ABCD3: variants seen among roughly 807,000 people sequenced by gnomAD.
ABCD3 encodes the protein ATP-binding cassette sub-family D member 3.
Under a neutral mutation model 105.5 loss-of-function variants are expected in ABCD3, and 41 were observed. That is an observed-to-expected ratio of 0.39 (90% CI 0.30 to 0.50). The LOEUF (loss-of-function observed/expected upper bound fraction) is 0.50, where lower values mean the gene tolerates loss of function less well. ABCD3 is among the 20% of genes least tolerant of loss of function. ABCD3 has a pLI of 0.84. For missense variants in ABCD3, 622 were observed against 806.3 expected, an observed-to-expected ratio of 0.77 and a Z score of 2.77; for synonymous variants, 258 against 269.0, an observed-to-expected ratio of 0.96 and a Z score of 0.40.
Position 94,515,210 on chromosome 1 carries a change from T to C in ABCD3, c.1902+8T>C. The C allele has an allele frequency of 1.2e-6, 2 of 1,601,234 alleles. No homozygotes were observed. Among genetic ancestry groups the C allele is most frequent in the Non-Finnish European group, 1.7e-6 (2 of 1,169,378 alleles). ...CTTTGGAAACATCATGAGGTTTGTATTTCTTTCATTGAATGGTACAGTGAA... is the reference window on the plus strand; with the variant it reads ...CTTTGGAAACATCATGAGGTTTGTACTTCTTTCATTGAATGGTACAGTGAA... On this transcript the variant is annotated splice_region_variant and intron_variant, in intron 22 of 22. Coordinates refer to ENST00000370214, the MANE Select transcript of ABCD3 (RefSeq NM_002858.4).
the ABCD3 span, among the ~76,000 whole-genome samples, chr1:94,387,041 G>A: frequency 6.6e-6 from 1 of 152,122 alleles, no homozygotes; most frequent in Admixed American, 6.5e-5. Flanking sequence ...CAGTAGATGT[G>A]CTCACAGAGA....
At chr1:94,461,843 T>G (rs1330337360) in intron 2 of ABCD3, among the ~76,000 whole-genome samples, 1 of 152,146 alleles carries the variant, frequency 6.6e-6, no homozygotes, top group African/African-American at 2.4e-5. Flanking sequence ...TACTGGGTTA[T>G]TTTACATTTT....
At chr1:94,516,597 T>G (rs1650932923) in intron 22 of ABCD3, among the ~76,000 whole-genome samples, 2 of 151,884 alleles carry the variant, frequency 1.3e-5, no homozygotes, top group African/African-American at 2.4e-5. Flanking sequence ...ACAACTAGAA[T>G]GTGAGGGGCC....
intron 16 of ABCD3, among the ~76,000 whole-genome samples, chr1:94,498,394 A>T (rs1649928125): frequency 6.6e-6 from 1 of 152,128 alleles, no homozygotes; most frequent in Non-Finnish European, 1.5e-5. Context: ...TAAGTGAAAA[A>T]AAAGTAATGG....
intron 21 of ABCD3, among the ~76,000 whole-genome samples, chr1:94,510,644 T>A (rs955972810): frequency 6.6e-6 from 1 of 152,088 alleles, no homozygotes; most frequent in Non-Finnish European, 1.5e-5. Context: ...TGTAGGTCGC[T>A]CAGGACTTGC....
chr1:94,463,505 A>T (rs1475097109), intron 2 of ABCD3, among the ~76,000 whole-genome samples: 1 of 152,192 alleles, frequency 6.6e-6, no homozygotes, highest in African/African-American at 2.4e-5. Flanking sequence ...GCGTTACTCT[A>T]CTAATACAAA....
At chr1:94,492,049 T>C (rs1043365692) in intron 16 of ABCD3, among the ~76,000 whole-genome samples, 6 of 152,232 alleles carry the variant, frequency 3.9e-5, no homozygotes, top group African/African-American at 1.4e-4. Context: ...AAAATAACCA[T>C]GTGTAGATAT....
chr1:94,416,106 T>C (rs1658994984), upstream of ABCD3, among the ~76,000 whole-genome samples: 1 of 152,238 alleles, frequency 6.6e-6, no homozygotes. Flanking sequence ...TTTTGAAATC[T>C]ATTTTCTAGA....
intron 10 of ABCD3, among the ~76,000 whole-genome samples, chr1:94,486,561 G>A (rs1649287033): frequency 6.6e-6 from 1 of 152,156 alleles, no homozygotes; most frequent in South Asian, 2.1e-4. Flanking sequence ...ACATTTTAGT[G>A]GAGCAGACAA....
chr1:94,491,318 T>A, intron 16 of ABCD3, 71 bp downstream of exon 16: 1 of 1,182,086 alleles, frequency 8.5e-7, no homozygotes, highest in Non-Finnish European at 1.3e-6. Flanking sequence ...ATTACCTGAA[T>A]ATTTAAAGTA....
At chr1:94,411,082 C>T in the ABCD3 span, among the ~76,000 whole-genome samples, 3 of 151,974 alleles carry the variant, frequency 2.0e-5, no homozygotes, top group African/African-American at 7.2e-5. Flanking sequence ...AATAGATTCC[C>T]AGGTATGACA....
intron 1 of ABCD3, chr1:94,418,833 C>T (rs1378163677): frequency 3.7e-6 from 2 of 546,466 alleles, no homozygotes; most frequent in East Asian, 3.2e-5. Context: ...TCTGTGCCCG[C>T]GGGCGAACCG....
chr1:94,512,922 T>C lies in ABCD3; in HGVS notation c.1846-2224T>C, dbSNP rs563563933. 5.1e-4 allele frequency among the ~76,000 whole-genome samples: 78 copies of C among 152,234 alleles called. 1 individual carries two copies. The South Asian group carries it at 0.016, about 30-fold the overall frequency. On this transcript the variant is annotated intron_variant, in intron 21 of 22. Transcript: ENST00000370214. ...AAAAAGGTCATATTGAGTATATATA[T>C]TATGAATTCCTACTATTCCAAGTGT...
intron 4 of ABCD3, 61 bp downstream of exon 4, chr1:94,468,068 C>T: frequency 8.5e-7 from 1 of 1,181,244 alleles, no homozygotes; most frequent in South Asian, 1.2e-5. Flanking sequence ...CATATTTATG[C>T]ATTATCTTTA....
At chr1:94,506,699 T>G in intron 21 of ABCD3, 57 bp downstream of exon 21, 3 of 1,200,076 alleles carry the variant, frequency 2.5e-6, no homozygotes, top group Non-Finnish European at 3.7e-6. Context: ...GTGTAAACTA[T>G]GTCCAAATCT....
chr1:94,412,879 T>G, the ABCD3 span, among the ~76,000 whole-genome samples: 1 of 152,214 alleles, frequency 6.6e-6, no homozygotes, highest in South Asian at 2.1e-4. Context: ...ATTTTAATTT[T>G]TTTATTGTGT....
chr1:94,483,319 A>G (rs1269023839), intron 10 of ABCD3, 80 bp downstream of exon 10: 7 of 1,008,528 alleles, frequency 6.9e-6, no homozygotes, highest in Admixed American at 3.5e-5. Context: ...GCCGACACAC[A>G]TACACACACA....
chr1:94,492,905 CAAAGCCTTTTCT>C (rs1197573056), intron 16 of ABCD3, among the ~76,000 whole-genome samples: 5 of 152,104 alleles, frequency 3.3e-5, no homozygotes, highest in African/African-American at 4.8e-5. Flanking sequence ...CTTTTTAGTT[CAAAGCCTTTTCT>C]TTTAAAGCCC....
chr1:94,403,877 T>C, the ABCD3 span, among the ~76,000 whole-genome samples: 3 of 152,310 alleles, frequency 2.0e-5, no homozygotes, highest in South Asian at 6.2e-4. Flanking sequence ...CTTTTAGTGG[T>C]AAATGGTGTT....
Sources: gnomAD v4.1 joint callset for allele counts (sites outside exome capture counted in the v4.1 genomes callset) on GRCh38, gnomAD v4.1.1 for gene constraint, MANE v1.5 for transcripts, NCBI Gene and HGNC (gene_info 2026-07-23, HGNC 2026-07-21) for gene names.